The following JAKMIP1 variants were observed in gnomAD, a reference collection of about 807,000 sequenced individuals.
The protein encoded by JAKMIP1 is janus kinase and microtubule-interacting protein 1.
Under a neutral mutation model 113.0 loss-of-function variants are expected in JAKMIP1, and 33 were observed. That is an observed-to-expected ratio of 0.29 (90% CI 0.22 to 0.39). JAKMIP1 has a LOEUF of 0.39. Among genes scored for constraint, JAKMIP1 ranks in the 10% least tolerant of loss-of-function variants. The probability of loss-of-function intolerance (pLI) is 1.00; values close to 1 mark genes in which losing one functional copy is unlikely to be tolerated. For synonymous variants in JAKMIP1, 480 were observed against 459.9 expected, an observed-to-expected ratio of 1.04 and a Z score of -0.56; for missense variants, 813 against 1,080.5, an observed-to-expected ratio of 0.75 and a Z score of 3.47.
chr4:6,029,727 G>C lies in JAKMIP1; in HGVS notation c.2434C>G (p.Leu812Val). ...CTGCAGTCACCTACCTTTTCCTCCA[G>C]TTCTTTCAGGTGCCGCTTCTGAAAC... is the stretch of plus-strand genomic sequence containing the variant. ...LEFQKRHLKE[L>V]EEKFLFLFLF... Residue 812 changes from leucine (L) to valine (V), a missense_variant, in exon 20 of 21, where the codon CTG becomes GTG. Around this residue, in one of 2 missense-constraint regions of JAKMIP1, gnomAD observed 273 missense variants for 426.6 expected, o/e 0.64. Transcript: ENST00000409021. 1 of 1,601,802 alleles carries C rather than the reference G, an allele frequency of 6.2e-7. No homozygotes were observed.
intron 1 of JAKMIP1, among the ~76,000 whole-genome samples, chr4:6,117,806 C>T (rs1317922906): frequency 2.0e-5 from 3 of 152,170 alleles, no homozygotes; most frequent in Non-Finnish European, 4.4e-5. Flanking sequence ...AGGAATTCAG[C>T]GATATTTCTC....
At chr4:6,100,533 A>G (rs1428695359) in intron 3 of JAKMIP1, among the ~76,000 whole-genome samples, 2 of 152,228 alleles carry the variant, frequency 1.3e-5, no homozygotes, top group East Asian at 3.8e-4. Context: ...ATAATGCTAT[A>G]AGCATTCATG....
intron 1 of JAKMIP1, among the ~76,000 whole-genome samples, chr4:6,145,096 AAAATG>A (rs1166065317): frequency 1.3e-5 from 2 of 152,254 alleles, no homozygotes; most frequent in Non-Finnish European, 2.9e-5. Context: ...GAACAACGTG[AAAATG>A]AAATAAGAAA....
At chr4:6,173,559 C>T (rs762048952) in intron 1 of JAKMIP1, among the ~76,000 whole-genome samples, 7 of 152,184 alleles carry the variant, frequency 4.6e-5, no homozygotes, top group Non-Finnish European at 7.3e-5. Flanking sequence ...TTGCAAAATT[C>T]CAAAGCCTAC....
Position 6,051,638 on chromosome 4 carries a change from T to C in JAKMIP1, c.1807-959A>G, listed in dbSNP as rs968236674. ...ACACAACAAGTGATCATTCTACCCC[T>C]GCCTTAGACTTACAGCAAAGCTCAA... On this transcript the variant is annotated intron_variant, in intron 13 of 20. Coordinates refer to ENST00000409021, the MANE Select transcript of JAKMIP1 (RefSeq NM_001099433.2). The surrounding 1 kb of genome is among the most constrained non-coding windows in gnomAD (Gnocchi z 5.0). Among the ~76,000 whole-genome samples the C allele has an allele frequency of 3.9e-5, 6 of 152,248 alleles. No homozygotes were observed. The highest frequency in any genetic ancestry group is 1.2e-4 in the African/African-American group (5 of 41,476).
In JAKMIP1 at chr4:6,085,508, T is replaced by A. The variant is rs1721164329; in HGVS notation, c.746A>T (p.Gln249Leu). Residue 249 changes from glutamine (Q) to leucine (L), a missense_variant, in exon 4 of 21, where the codon CAG (glutamine) becomes CTG (leucine). Physicochemically the swap from Gln to Leu is moderately radical, Grantham distance 113. This residue lies in a region of JAKMIP1 where 540 missense variants were observed against 653.9 expected (regional missense o/e 0.83). Coordinates refer to ENST00000409021, the MANE Select transcript of JAKMIP1 (RefSeq NM_001099433.2). ...QKEALDEQLV[Q>L]VKEAERHHSS... ...GTGGTGCCGCTCGGCCTCCTTGACCTGAACCAGCTGCTCATCCAAAGCCTC... is the reference window on the plus strand; with the variant it reads ...GTGGTGCCGCTCGGCCTCCTTGACCAGAACCAGCTGCTCATCCAAAGCCTC... 6.2e-7 allele frequency: 1 copy of A among 1,614,200 alleles called. No individual in the cohort carries two copies. The highest frequency in any genetic ancestry group is 8.5e-7 in the Non-Finnish European group (1 of 1,180,040).
chr4:6,141,005 T>G lies in JAKMIP1; in HGVS notation c.-147-28008A>C, dbSNP rs939412431. Among the ~76,000 whole-genome samples, 1 of 152,178 alleles carries G rather than the reference T, an allele frequency of 6.6e-6. No homozygotes were observed. Among genetic ancestry groups the G allele is most frequent in the Non-Finnish European group, 1.5e-5 (1 of 68,042 alleles). ...CTGGGTGACGGCAGAGCCAGCCCTG[T>G]GGGCCAGGCATCTGGGACCTGTAAC... On this transcript the variant is annotated intron_variant, in intron 1 of 20. Transcript: ENST00000409021. This position sits in a 1 kb window ranked among gnomAD's most constrained non-coding sequence, Gnocchi z 9.4.
chr4:6,078,893 C>T (rs1357399478), intron 8 of JAKMIP1, 46 bp downstream of exon 8: 11 of 1,606,580 alleles, frequency 6.8e-6, no homozygotes, highest in South Asian at 2.2e-5. Flanking sequence ...CCTGCAGATC[C>T]GTGACACAGC....
intron 18 of JAKMIP1, among the ~76,000 whole-genome samples, chr4:6,037,616 C>T (rs1713686269): frequency 1.4e-5 from 2 of 147,276 alleles, no homozygotes; most frequent in African/African-American, 2.6e-5. Flanking sequence ...AGAGGCTAAC[C>T]GGTATCCCTC....
rs1228852335 is a variant in JAKMIP1, at chr4:6,157,246, C to G, written c.-148+43007G>C. ...CGCATTTATTTTCTTTATAAACTACCCAGGTGGTGATATTGTGTTATAGCA... is the reference window on the plus strand; with the variant it reads ...CGCATTTATTTTCTTTATAAACTACGCAGGTGGTGATATTGTGTTATAGCA... On this transcript the variant is annotated intron_variant, in intron 1 of 20. Transcript: ENST00000409021. The surrounding 1 kb of genome is among the most constrained non-coding windows in gnomAD (Gnocchi z 4.7). 6.6e-6 allele frequency among the ~76,000 whole-genome samples: 1 copy of G among 152,058 alleles called. No homozygotes were observed. The highest frequency in any genetic ancestry group is 1.5e-5 in the Non-Finnish European group (1 of 68,032).
At chr4:6,107,411 G>A (rs1714133483) in intron 2 of JAKMIP1, among the ~76,000 whole-genome samples, 1 of 152,140 alleles carries the variant, frequency 6.6e-6, no homozygotes, top group Non-Finnish European at 1.5e-5. Flanking sequence ...GACTTGGCTG[G>A]GCCACAATGC....
rs1270201250 is a variant in JAKMIP1 at position 6,086,173 on chromosome 4, C to T, written c.625-544G>A. ...TCACCCACTCCCAGACTCACGACCT[C>T]CTGCTCCCTCTCCCCAAGGCCACTT... On this transcript the variant is annotated intron_variant, in intron 3 of 20. Coordinates refer to ENST00000409021, the MANE Select transcript of JAKMIP1 (RefSeq NM_001099433.2). The surrounding 1 kb of genome is among the most constrained non-coding windows in gnomAD (Gnocchi z 4.1). Among the ~76,000 whole-genome samples the T allele has an allele frequency of 6.6e-6, 1 of 152,138 alleles. No individual in the cohort carries two copies. Among genetic ancestry groups the T allele is most frequent in the Non-Finnish European group, 1.5e-5 (1 of 68,022 alleles).
In JAKMIP1 at chr4:6,048,853, C is replaced by T; in HGVS notation, c.2028+4G>A. On this transcript the variant is annotated splice_donor_region_variant and intron_variant, in intron 16 of 20. Coordinates refer to ENST00000409021, the MANE Select transcript of JAKMIP1 (RefSeq NM_001099433.2). The stretch of plus-strand genomic sequence containing the variant: ...GTGAGCACAGAAATGCCGCTGGCTT[C>T]TACCTTTTCACACAGGGCAAGCACA... 1 of 1,613,094 alleles carries T rather than the reference C, an allele frequency of 6.2e-7. No homozygotes were observed. The highest frequency in any genetic ancestry group is 1.3e-5 in the African/African-American group (1 of 75,060).
rs1264793088 is a variant in JAKMIP1 at position 6,176,049 on chromosome 4, G to C, written c.-148+24204C>G. On this transcript the variant is annotated intron_variant, in intron 1 of 20. Transcript: ENST00000409021. The surrounding 1 kb of genome is among the most constrained non-coding windows in gnomAD (Gnocchi z 5.5). ...TTGTTTACTGAAAAACCTACTAAGT[G>C]CCAGATACTTCCCAGGCATTAAAGA... Among the ~76,000 whole-genome samples, 1 of 152,186 alleles carries C rather than the reference G, an allele frequency of 6.6e-6. No individual in the cohort carries two copies. Among genetic ancestry groups the C allele is most frequent in the Non-Finnish European group, 1.5e-5 (1 of 68,040 alleles).
chr4:6,189,870 C>G (rs1489082241), intron 1 of JAKMIP1, among the ~76,000 whole-genome samples: 1 of 152,178 alleles, frequency 6.6e-6, no homozygotes, highest in African/African-American at 2.4e-5. Flanking sequence ...GTGCAAAGGC[C>G]TGGCTCAGTC....
intron 1 of JAKMIP1, among the ~76,000 whole-genome samples, chr4:6,132,215 G>A (rs941120482): frequency 2.6e-5 from 4 of 152,186 alleles, no homozygotes; most frequent in Non-Finnish European, 5.9e-5. Context: ...AGGAAGCAGT[G>A]TGTTGTTATT....
In JAKMIP1 at chr4:6,042,049, G is replaced by T; in HGVS notation, c.2097+110C>A. ...CAACCACTGGGGCAAAAGCAAAATT[G>T]AGAAATGCATGCAAATCATTAGGAA... On this transcript the variant is annotated intron_variant, in intron 17 of 20. Coordinates refer to ENST00000409021, the MANE Select transcript of JAKMIP1 (RefSeq NM_001099433.2). This position sits in a 1 kb window ranked among gnomAD's most constrained non-coding sequence, Gnocchi z 5.2. The T allele has an allele frequency of 1.1e-6, 1 of 888,970 alleles. No homozygotes were observed. Among genetic ancestry groups the T allele is most frequent in the Non-Finnish European group, 1.8e-6 (1 of 552,930 alleles). The allele number at this position is 888,970 out of a possible 1,614,324, so 55.1% of individuals were successfully genotyped here.
chr4:6,105,254 C>T (rs11735262), intron 3 of JAKMIP1, among the ~76,000 whole-genome samples: 6,237 of 152,320 alleles, frequency 0.041, 157 homozygotes, highest in South Asian at 0.06. Flanking sequence ...TCGCTAGTCT[C>T]CATTAAGCTC....
At position 6,061,168 on chromosome 4, in the gene JAKMIP1, C is replaced by T. The variant is rs1717223348; in HGVS notation, c.1561-661G>A. Among the ~76,000 whole-genome samples the T allele has an allele frequency of 1.3e-5, 2 of 152,196 alleles. No individual in the cohort carries two copies. The highest frequency in any genetic ancestry group is 2.1e-4 in the South Asian group (1 of 4,826). On this transcript the variant is annotated intron_variant, in intron 10 of 20. Coordinates refer to ENST00000409021, the MANE Select transcript of JAKMIP1 (RefSeq NM_001099433.2). This position sits in a 1 kb window ranked among gnomAD's most constrained non-coding sequence, Gnocchi z 5.3. ...CTGACCTTTCAAGAGAGGTCAGGAA[C>T]CTGGATTTCTCTATAGAATCTCTTG... is the stretch of plus-strand genomic sequence containing the variant.
Sources: gnomAD v4.1 joint callset for allele counts (sites outside exome capture counted in the v4.1 genomes callset) on GRCh38, gnomAD v4.1.1 for gene constraint, gnomAD v4.1.1 regional missense constraint, Gnocchi (gnomAD v3.1) non-coding constraint, MANE v1.5 for transcripts, NCBI Gene and HGNC (gene_info 2026-07-23, HGNC 2026-07-21) for gene names.